SLC4A4: variants seen among roughly 807,000 people sequenced by gnomAD.
SLC4A4 encodes electrogenic sodium bicarbonate cotransporter 1.
In SLC4A4, 27 loss-of-function variants were observed where a neutral mutation model predicts 111.5. That is an observed-to-expected ratio of 0.24 (90% CI 0.18 to 0.33). The LOEUF (loss-of-function observed/expected upper bound fraction) is 0.33, where lower values mean the gene tolerates loss of function less well. Ranked by LOEUF, SLC4A4 falls within the 10% of genes least tolerant of loss-of-function variation. The pLI is 1.00. For synonymous variants in SLC4A4, 443 were observed against 463.4 expected (o/e 0.96, Z 0.57); for missense variants, 909 against 1,315.5 (o/e 0.69, Z 4.78).
At chr4:71,072,088 T>G (rs1166431434) in intron 1 of SLC4A4, among the ~76,000 whole-genome samples, 1 of 152,184 alleles carries the variant, frequency 6.6e-6, no homozygotes, top group Non-Finnish European at 1.5e-5. Context: ...AATTTTAAAA[T>G]TTGTATGTAT....
chr4:71,147,532 C>A (rs1744210547), intron 2 of SLC4A4, among the ~76,000 whole-genome samples: 1 of 152,116 alleles, frequency 6.6e-6, no homozygotes, highest in Non-Finnish European at 1.5e-5. Context: ...GAACCAAGGA[C>A]TTGGGTTTTT....
intron 7 of SLC4A4, among the ~76,000 whole-genome samples, 195 bp from the exon 8 acceptor site, chr4:71,440,421 A>T (rs576455926): frequency 6.6e-6 from 1 of 152,352 alleles, no homozygotes; most frequent in Non-Finnish European, 1.5e-5. Context: ...GTACAGATAA[A>T]TGTTTACTAT....
rs1737943477 is a variant in SLC4A4, at chr4:71,571,719, A to G, written c.*3968A>G. The G allele has an allele frequency of 6.6e-6, 1 of 152,234 alleles. No homozygotes were observed. Among genetic ancestry groups the G allele is most frequent in the Non-Finnish European group, 1.5e-5 (1 of 67,868 alleles). 9.4% of individuals were successfully genotyped at this position (152,234 alleles called of 1,614,324 possible). A position where few individuals can be genotyped will look rare whatever the true frequency, so the allele number is the denominator to read the frequency against. ...AGTGAATAGTTGCCTCTTTTTAGCC[A>G]TTTTCATGGCTGGTACATATTCGTA... is the stretch of plus-strand genomic sequence containing the variant. On this transcript the variant is annotated 3_prime_UTR_variant, in exon 26 of 26. Transcript: ENST00000264485.
chr4:71,472,603 A>G (rs1311602243), intron 13 of SLC4A4, 96 bp from the exon 14 acceptor site: 4 of 1,298,306 alleles, frequency 3.1e-6, no homozygotes, highest in Non-Finnish European at 4.4e-6. Context: ...GTGATCTTGT[A>G]TTTTTGTCAA....
chr4:71,501,502 G>T (rs1560566403), intron 16 of SLC4A4, among the ~76,000 whole-genome samples: 1 of 148,466 alleles, frequency 6.7e-6, no homozygotes, highest in East Asian at 2.0e-4. Context: ...ATCTCTTAGA[G>T]TTTTTTTTAT....
intron 2 of SLC4A4, among the ~76,000 whole-genome samples, chr4:71,154,865 G>GA (rs931840541): frequency 2.0e-5 from 3 of 151,718 alleles, no homozygotes; most frequent in African/African-American, 7.3e-5. Context: ...CAGTGTTATG[G>GA]AAAAAAATCA....
At chr4:71,154,255 G>T (rs1268188217) in intron 2 of SLC4A4, among the ~76,000 whole-genome samples, 1 of 152,162 alleles carries the variant, frequency 6.6e-6, no homozygotes, top group Non-Finnish European at 1.5e-5. Flanking sequence ...TATTATGAAG[G>T]TATGGTAGCT....
intron 1 of SLC4A4, among the ~76,000 whole-genome samples, chr4:71,211,703 A>G (rs1015590029): frequency 6.6e-6 from 1 of 151,980 alleles, no homozygotes; most frequent in Non-Finnish European, 1.5e-5. Flanking sequence ...AACATTTGAC[A>G]ATTTAAAGTC....
At chr4:71,067,227 G>A (rs1217752783) in intron 1 of SLC4A4, among the ~76,000 whole-genome samples, 1 of 151,810 alleles carries the variant, frequency 6.6e-6, no homozygotes, top group Non-Finnish European at 1.5e-5. Flanking sequence ...GAACAGTAGG[G>A]CAATGCAAAC....
At chr4:71,246,066 G>A (rs1720636538) in intron 2 of SLC4A4, among the ~76,000 whole-genome samples, 1 of 152,194 alleles carries the variant, frequency 6.6e-6, no homozygotes, top group African/African-American at 2.4e-5. Context: ...GGGAATAAGA[G>A]TGCCCAAGAG....
chr4:71,455,110 T>G (rs1726111082), intron 12 of SLC4A4, among the ~76,000 whole-genome samples: 1 of 152,228 alleles, frequency 6.6e-6, no homozygotes, highest in Non-Finnish European at 1.5e-5. Flanking sequence ...CACATAAATG[T>G]GTACGCAGTA....
intron 7 of SLC4A4, among the ~76,000 whole-genome samples, chr4:71,440,181 T>A (rs1403762816): frequency 1.3e-5 from 2 of 152,252 alleles, no homozygotes; most frequent in South Asian, 4.1e-4. Context: ...TTAGTACTTA[T>A]CAGCACTTTA....
At chr4:71,119,380 T>G (rs1439656142) in intron 2 of SLC4A4, among the ~76,000 whole-genome samples, 1 of 152,064 alleles carries the variant, frequency 6.6e-6, no homozygotes, top group African/African-American at 2.4e-5. Context: ...GGTTTTACAG[T>G]TTCTTTTTCC....
chr4:71,228,347 C>G (rs975629734), intron 1 of SLC4A4, among the ~76,000 whole-genome samples: 2 of 152,130 alleles, frequency 1.3e-5, no homozygotes, highest in African/African-American at 4.8e-5. Context: ...TGTGGTCTCC[C>G]CAGTCAAAAA....
chr4:71,316,656 C>T (rs376809818), intron 3 of SLC4A4, among the ~76,000 whole-genome samples: 19 of 152,162 alleles, frequency 1.2e-4, no homozygotes, highest in South Asian at 6.2e-4. Context: ...CAACCCATCA[C>T]GTAGGTATTA....
intron 2 of SLC4A4, among the ~76,000 whole-genome samples, chr4:71,246,055 T>A (rs555887720): frequency 2.6e-5 from 4 of 152,164 alleles, no homozygotes; most frequent in African/African-American, 4.8e-5. Context: ...CATGGTTAGT[T>A]GGGAATAAGA....
chr4:71,067,412 C>T (rs1578447498), intron 1 of SLC4A4, among the ~76,000 whole-genome samples: 1 of 152,110 alleles, frequency 6.6e-6, no homozygotes, highest in Non-Finnish European at 1.5e-5. Context: ...AAATAAATTG[C>T]TCTAAAACAA....
At chr4:71,202,257 TG>T (rs1445203442) in intron 1 of SLC4A4, among the ~76,000 whole-genome samples, 2 of 152,242 alleles carry the variant, frequency 1.3e-5, no homozygotes, top group Non-Finnish European at 2.9e-5. Flanking sequence ...AATTTGGTTT[TG>T]ATTCAAAGTA....
chr4:71,106,415 A>G (rs1370358296), intron 2 of SLC4A4, among the ~76,000 whole-genome samples: 1 of 149,060 alleles, frequency 6.7e-6, no homozygotes, highest in Non-Finnish European at 1.5e-5. Flanking sequence ...CAGCCATCCC[A>G]TTACTGGGTA....
Sources: allele counts gnomAD v4.1 joint callset (sites outside exome capture counted in the v4.1 genomes callset), GRCh38; gene constraint gnomAD v4.1.1; transcripts MANE v1.5; gene names NCBI Gene and HGNC (gene_info 2026-07-23, HGNC 2026-07-21).